The following PIKFYVE variants were observed in gnomAD, a reference collection of about 807,000 sequenced individuals.
PIKFYVE encodes phosphoinositide kinase, FYVE-type zinc finger containing, also known as 1-phosphatidylinositol 3-phosphate 5-kinase.
A neutral mutation model predicts 257.9 loss-of-function variants in PIKFYVE; 122 were observed. That is an observed-to-expected ratio of 0.47 (90% CI 0.41 to 0.55). The LOEUF (loss-of-function observed/expected upper bound fraction) is 0.55. PIKFYVE is among the 20% of genes least tolerant of loss of function. The probability of loss-of-function intolerance (pLI) is 0.00; values close to 1 mark genes in which losing one functional copy is unlikely to be tolerated. For synonymous variants in PIKFYVE, 892 were observed against 868.9 expected (o/e 1.03, Z -0.47); for missense variants, 2,160 against 2,536.6 (o/e 0.85, Z 3.19).
chr2:208,301,342 C>G (rs1693654000), intron 9 of PIKFYVE, among the ~76,000 whole-genome samples: 3 of 152,120 alleles, frequency 2.0e-5, no homozygotes, highest in African/African-American at 7.2e-5. Context: ...GAAGAACTCT[C>G]TAGCAAAGGA....
chr2:208,284,581 T>C (rs1453300881), intron 5 of PIKFYVE, among the ~76,000 whole-genome samples: 1 of 151,916 alleles, frequency 6.6e-6, no homozygotes, highest in Non-Finnish European at 1.5e-5. Context: ...TTTATAATAA[T>C]TCTTTTATAG....
intron 7 of PIKFYVE, among the ~76,000 whole-genome samples, 182 bp downstream of exon 7, chr2:208,289,000 T>C (rs1446553024): frequency 6.6e-6 from 1 of 152,224 alleles, no homozygotes; most frequent in Non-Finnish European, 1.5e-5. Context: ...TCAGTGACTT[T>C]CCAGTATTCT....
At chr2:208,323,877 T>C (rs938073441) in intron 17 of PIKFYVE, among the ~76,000 whole-genome samples, 1 of 152,258 alleles carries the variant, frequency 6.6e-6, no homozygotes, top group Admixed American at 6.5e-5. Context: ...TGAGCATTTT[T>C]TCATGTGTCT....
At chr2:208,351,956 G>A (rs1353286551) in intron 38 of PIKFYVE, among the ~76,000 whole-genome samples, 1 of 151,910 alleles carries the variant, frequency 6.6e-6, no homozygotes, top group African/African-American at 2.4e-5. Flanking sequence ...AGTCCTAATG[G>A]CAGTTTTCTC....
At chr2:208,330,005 ACTGTTACATGATCCTCACTTT>A in intron 22 of PIKFYVE, 92 bp downstream of exon 22, 2 of 1,516,512 alleles carry the variant, frequency 1.3e-6, no homozygotes, top group South Asian at 2.3e-5. Context: ...ATGTTAAGTG[ACTGTTACATGATCCTCACTTT>A]CATAGTGCAT....
intron 7 of PIKFYVE, among the ~76,000 whole-genome samples, chr2:208,292,754 A>G (rs1459305703): frequency 6.6e-6 from 1 of 152,100 alleles, no homozygotes; most frequent in African/African-American, 2.4e-5. Flanking sequence ...TTATGGGGTA[A>G]ATAGTGACAT....
At chr2:208,353,592 GTTAC>G (rs1699964491) in intron 39 of PIKFYVE, among the ~76,000 whole-genome samples, 1 of 151,700 alleles carries the variant, frequency 6.6e-6, no homozygotes, top group Non-Finnish European at 1.5e-5. Context: ...TATTTCTGGA[GTTAC>G]TTGTTAATGT....
In PIKFYVE at chr2:208,314,432, A is replaced by G. The variant is rs1574579847; in HGVS notation, c.1826+9A>G. ...GCCATGGAGAGGTTGCTGTAAGGCA[A>G]TGAAATTTTTAATTTTAATTTTTCA... On this transcript the variant is annotated intron_variant, in intron 14 of 41. Transcript: ENST00000264380. 1 of 1,612,662 alleles carries G rather than the reference A, an allele frequency of 6.2e-7. No individual in the cohort carries two copies. The highest frequency in any genetic ancestry group is 1.1e-5 in the South Asian group (1 of 90,934).
chr2:208,305,265 A>G (rs1694186689), intron 12 of PIKFYVE: 2 of 1,352,752 alleles, frequency 1.5e-6, no homozygotes, highest in South Asian at 1.5e-5. Flanking sequence ...AAAAGGAACT[A>G]CATCTGACTG....
At position 208,352,788 on chromosome 2, in the gene PIKFYVE, GGT is replaced by G; in HGVS notation, c.5844+7_5844+8del. The G allele has an allele frequency of 6.2e-7, 1 of 1,612,222 alleles. No individual in the cohort carries two copies. The highest frequency in any genetic ancestry group is 8.5e-7 in the Non-Finnish European group (1 of 1,179,116). On this transcript the variant is annotated splice_region_variant and intron_variant, in intron 39 of 41. Coordinates refer to ENST00000264380, the MANE Select transcript of PIKFYVE (RefSeq NM_015040.4). The stretch of plus-strand genomic sequence containing the variant: ...ACGGGAGAAAGATGGCACAGGTAAG[GGT>G]ATTGGACTATGTGAAGCATTTAGCT...
intron 12 of PIKFYVE, among the ~76,000 whole-genome samples, chr2:208,307,656 T>C (rs754563836): frequency 7.9e-5 from 12 of 152,084 alleles, no homozygotes; most frequent in Non-Finnish European, 1.6e-4. Flanking sequence ...GCAGAATGTA[T>C]TGTGGTATTT....
chr2:208,354,056 G>A lies in PIKFYVE; in HGVS notation c.6003G>A (p.Ser2001=), dbSNP rs764965849. The stretch of plus-strand genomic sequence containing the variant: ...ATTCCAAAGCTGTGCTGAGAACCTC[G>A]ATCCATAGTGACTCCCATTTCCTTT... ...RSHSKAVLRT[S]IHSDSHFLSS... The change falls in exon 40 of 42, where the codon TCG becomes TCA. Residue 2001 remains serine, a synonymous_variant. Coordinates refer to ENST00000264380, the MANE Select transcript of PIKFYVE (RefSeq NM_015040.4). The A allele has an allele frequency of 5.6e-6, 9 of 1,613,990 alleles. No homozygotes were observed. Among genetic ancestry groups the A allele is most frequent in the East Asian group, 2.2e-5 (1 of 44,864 alleles).
intron 1 of PIKFYVE, among the ~76,000 whole-genome samples, chr2:208,270,545 C>CTA (rs1689283427): frequency 6.6e-6 from 1 of 151,884 alleles, no homozygotes; most frequent in African/African-American, 2.4e-5. Flanking sequence ...TGAATTGAGG[C>CTA]TTAAAGGGAG....
intron 35 of PIKFYVE, 106 bp from the exon 36 acceptor site, chr2:208,349,918 T>C: frequency 6.6e-7 from 1 of 1,524,936 alleles, no homozygotes; most frequent in Non-Finnish European, 8.9e-7. Context: ...ATATTTTTAC[T>C]TTTAATTTGC....
chr2:208,273,767 A>C (rs780322030), intron 3 of PIKFYVE, 34 bp downstream of exon 3: 2 of 1,611,858 alleles, frequency 1.2e-6, no homozygotes, highest in South Asian at 2.2e-5. Context: ...TCCCTTCTAT[A>C]TGCTAGATTT....
At chr2:208,338,079 A>G (rs1463860985) in intron 28 of PIKFYVE, among the ~76,000 whole-genome samples, 1 of 152,082 alleles carries the variant, frequency 6.6e-6, no homozygotes, top group Non-Finnish European at 1.5e-5. Context: ...TTCTTCATAT[A>G]CTTCAATCAT....
In PIKFYVE at chr2:208,266,292, T is replaced by A. The variant is rs1688612652; in HGVS notation, c.-133T>A. The A allele has an allele frequency of 2.6e-5, 4 of 151,754 alleles. No individual in the cohort carries two copies. Among genetic ancestry groups the A allele is most frequent in the Admixed American group, 2.6e-4 (4 of 15,252 alleles). The allele number at this position is 151,754 out of a possible 1,614,324, so 9.4% of individuals were successfully genotyped here. On this transcript the variant is annotated 5_prime_UTR_variant, in exon 1 of 42. Coordinates refer to ENST00000264380, the MANE Select transcript of PIKFYVE (RefSeq NM_015040.4). ...CAACCATGTAAGCAGCTTCGCTTCCTGCCGCAACCGTCCGCGGCCTGAGGA... is the reference window on the plus strand; with the variant it reads ...CAACCATGTAAGCAGCTTCGCTTCCAGCCGCAACCGTCCGCGGCCTGAGGA...
intron 35 of PIKFYVE, 152 bp from the exon 36 acceptor site, chr2:208,349,872 T>A (rs1377858858): frequency 1.7e-6 from 2 of 1,145,196 alleles, no homozygotes; most frequent in Non-Finnish European, 2.4e-6. Flanking sequence ...AGTTTAATTG[T>A]ATATCTTATG....
chr2:208,325,734 G>A lies in PIKFYVE; in HGVS notation c.2923G>A (p.Val975Ile), dbSNP rs775537743. The change falls in exon 20 of 42, where the codon GTA (valine) becomes ATA (isoleucine). Residue 975 changes from valine (V) to isoleucine (I), a missense_variant. Physicochemically the swap from Val to Ile is conservative, Grantham distance 29. Transcript: ENST00000264380. ...AGLPCAFFAP[V>I]PESLLPLPVD... ...TCTCCCTTGTGCTTTCTTTGCACCT[G>A]TACCGGAATCATTGTTGCCACTCCC... 7 of 1,613,250 alleles carry A rather than the reference G, an allele frequency of 4.3e-6. No individual in the cohort carries two copies. In the Admixed American group the frequency reaches 1.0e-4, roughly 23 times the overall value.
Sources: allele counts gnomAD v4.1 joint callset (sites outside exome capture counted in the v4.1 genomes callset), GRCh38; gene constraint gnomAD v4.1.1; transcripts MANE v1.5; gene names NCBI Gene and HGNC (gene_info 2026-07-23, HGNC 2026-07-21).